The following KCNH8 variants were observed in gnomAD, a reference collection of about 807,000 sequenced individuals.
KCNH8 encodes voltage-gated delayed rectifier potassium channel KCNH8.
A neutral mutation model predicts 103.6 loss-of-function variants in KCNH8; 70 were observed. That is an observed-to-expected ratio of 0.68 (90% CI 0.56 to 0.82). KCNH8 has a LOEUF of 0.82. KCNH8 is among the 40% of genes least tolerant of loss of function. The pLI is 0.00. For missense variants in KCNH8, 1,217 were observed against 1,329.9 expected (o/e 0.92, Z 1.32); for synonymous variants, 498 against 489.4 (o/e 1.02, Z -0.23).
chr3:19,164,733 C>T (rs1450859339), intron 1 of KCNH8, among the ~76,000 whole-genome samples: 1 of 152,146 alleles, frequency 6.6e-6, no homozygotes, highest in East Asian at 1.9e-4. Flanking sequence ...CTGGGAAGCT[C>T]AACATATAAA....
intron 5 of KCNH8, among the ~76,000 whole-genome samples, chr3:19,364,582 C>CA (rs1016651785): frequency 1.3e-5 from 2 of 151,872 alleles, no homozygotes; most frequent in South Asian, 2.1e-4. Context: ...AATAATTATA[C>CA]AAAAAACAGA....
chr3:19,457,606 T>G (rs1361947156), intron 11 of KCNH8, among the ~76,000 whole-genome samples: 1 of 152,030 alleles, frequency 6.6e-6, no homozygotes, highest in Admixed American at 6.6e-5. Context: ...ATGACTTCAT[T>G]AGATGTCTCA....
intron 2 of KCNH8, among the ~76,000 whole-genome samples, chr3:19,260,320 A>T (rs2064413389): frequency 6.6e-6 from 1 of 151,140 alleles, no homozygotes; most frequent in Non-Finnish European, 1.5e-5. Context: ...AATCAGGTAT[A>T]TTCATATTCA....
At chr3:19,350,504 G>T (rs2065785555) in intron 5 of KCNH8, among the ~76,000 whole-genome samples, 1 of 152,108 alleles carries the variant, frequency 6.6e-6, no homozygotes, top group Admixed American at 6.6e-5. Context: ...ACCTCATGCA[G>T]CTGGGTGCCC....
Position 19,255,059 on chromosome 3 carries a change from G to A in KCNH8, c.310+1172G>A, listed in dbSNP as rs73048557. Among the ~76,000 whole-genome samples, 766 of 152,208 alleles carry A rather than the reference G, an allele frequency of 5.0e-3. 3 individuals are homozygous for A. Among genetic ancestry groups the A allele is most frequent in the Non-Finnish European group, 8.9e-3 (608 of 68,012 alleles). On this transcript the variant is annotated intron_variant, in intron 2 of 15. Coordinates refer to ENST00000328405, the MANE Select transcript of KCNH8 (RefSeq NM_144633.3). ...ATTAGTGTTAAATAAGGCCATAAGG[G>A]TGGGGACCTAATCCAATATGACTAG...
chr3:19,223,021 T>C (rs539071182), intron 1 of KCNH8, among the ~76,000 whole-genome samples: 1 of 152,294 alleles, frequency 6.6e-6, no homozygotes, highest in Admixed American at 6.5e-5. Context: ...TGTTTTGTCT[T>C]TATTCATATA....
At chr3:19,240,442 G>A (rs2064123841) in intron 1 of KCNH8, among the ~76,000 whole-genome samples, 1 of 151,712 alleles carries the variant, frequency 6.6e-6, no homozygotes, top group African/African-American at 2.4e-5. Context: ...GAGAAACCCT[G>A]TCTCTACTAA....
intron 2 of KCNH8, among the ~76,000 whole-genome samples, chr3:19,272,481 T>C (rs1239091094): frequency 6.6e-6 from 1 of 152,060 alleles, no homozygotes; most frequent in Non-Finnish European, 1.5e-5. Flanking sequence ...AGCCAATGAT[T>C]GAGTGAGGCA....
intron 3 of KCNH8, among the ~76,000 whole-genome samples, chr3:19,324,171 G>T (rs2065389436): frequency 6.6e-6 from 1 of 152,156 alleles, no homozygotes; most frequent in Admixed American, 6.5e-5. Context: ...GGCAGGTCTT[G>T]GTGTGGCTGC....
At chr3:19,342,997 T>G (rs975093307) in intron 4 of KCNH8, among the ~76,000 whole-genome samples, 1 of 152,108 alleles carries the variant, frequency 6.6e-6, no homozygotes, top group African/African-American at 2.4e-5. Context: ...GGGGACGCAC[T>G]GGTTACATTT....
At chr3:19,170,968 C>T (rs999843831) in intron 1 of KCNH8, among the ~76,000 whole-genome samples, 2 of 151,752 alleles carry the variant, frequency 1.3e-5, no homozygotes, top group African/African-American at 4.8e-5. Flanking sequence ...TCCGCCACTG[C>T]GCCCGGCTAA....
At chr3:19,150,004 C>T (rs1044184098) in intron 1 of KCNH8, among the ~76,000 whole-genome samples, 7 of 152,180 alleles carry the variant, frequency 4.6e-5, no homozygotes, top group South Asian at 2.1e-4. Context: ...AAATGAATCA[C>T]TTTAATTTTG....
At chr3:19,482,977 G>A (rs1430055102) in intron 11 of KCNH8, among the ~76,000 whole-genome samples, 2 of 152,034 alleles carry the variant, frequency 1.3e-5, no homozygotes, top group African/African-American at 2.4e-5. Flanking sequence ...GTATCCCCAC[G>A]AGCTGTCTTG....
chr3:19,311,668 G>T (rs1575517743), intron 3 of KCNH8, among the ~76,000 whole-genome samples: 1 of 151,858 alleles, frequency 6.6e-6, no homozygotes, highest in South Asian at 2.1e-4. Context: ...ACAGACTCCA[G>T]GAGTGTTATT....
intron 15 of KCNH8, among the ~76,000 whole-genome samples, chr3:19,531,531 C>T (rs2069160981): frequency 6.6e-6 from 1 of 152,142 alleles, no homozygotes; most frequent in African/African-American, 2.4e-5. Context: ...AGTTGAATCC[C>T]TTGAGTTTCA....
rs760239055 is a variant in KCNH8 at position 19,390,499 on chromosome 3, G to T, written c.830G>T (p.Arg277Leu). ...LFIIDIILNF[R>L]TTYVSKSGQV... is the part of the protein sequence containing the mutation. ...CAAGCAGATATTATTTTAAATTTCC[G>T]AACAACTTATGTCAGCAAGTCTGGC... Residue 277 changes from arginine (R) to leucine (L), a missense_variant, in exon 6 of 16, where the codon CGA (arginine) becomes CTA (leucine). Physicochemically the swap from Arg to Leu is moderately radical, Grantham distance 102. Transcript: ENST00000328405. 6.2e-7 allele frequency: 1 copy of T among 1,608,176 alleles called. No homozygotes were observed. The highest frequency in any genetic ancestry group is 1.7e-5 in the Admixed American group (1 of 59,328).
intron 1 of KCNH8, among the ~76,000 whole-genome samples, chr3:19,224,937 A>G (rs901951564): frequency 1.3e-5 from 2 of 152,166 alleles, no homozygotes; most frequent in Non-Finnish European, 2.9e-5. Flanking sequence ...GCTTTGGCAA[A>G]TGCTAGAATG....
At chr3:19,260,559 A>AATTAACAT (rs2064420875) in intron 2 of KCNH8, among the ~76,000 whole-genome samples, 1 of 134,856 alleles carries the variant, frequency 7.4e-6, no homozygotes, top group African/African-American at 2.8e-5. Flanking sequence ...GGGTGGAACA[A>AATTAACAT]ATTAACATAT....
intron 1 of KCNH8, among the ~76,000 whole-genome samples, chr3:19,250,981 CT>C (rs535466293): frequency 1.6e-4 from 24 of 152,000 alleles, no homozygotes; most frequent in Admixed American, 1.0e-3. Flanking sequence ...GCATTAAAAG[CT>C]TTTTTTAGGA....
Sources: allele counts gnomAD v4.1 joint callset (sites outside exome capture counted in the v4.1 genomes callset), GRCh38; gene constraint gnomAD v4.1.1; transcripts MANE v1.5; gene names NCBI Gene and HGNC (gene_info 2026-07-23, HGNC 2026-07-21).